The following PPP2R2B variants were observed in gnomAD, a reference collection of about 807,000 sequenced individuals.
The protein encoded by PPP2R2B is protein phosphatase 2 regulatory subunit Bbeta, also known as serine/threonine-protein phosphatase 2A 55 kDa regulatory subunit B beta isoform.
Under a neutral mutation model 46.0 loss-of-function variants are expected in PPP2R2B, and 5 were observed. The observed-to-expected ratio is 0.11, with a 90% CI of 0.06 to 0.23. The LOEUF is 0.23. Ranked by LOEUF, PPP2R2B falls within the 10% of genes least tolerant of loss-of-function variation. The pLI, the probability that PPP2R2B is intolerant of heterozygous loss-of-function variation, is 1.00. For synonymous variants in PPP2R2B, 215 were observed against 206.7 expected (o/e 1.04, Z -0.34); for missense variants, 367 against 575.0 (o/e 0.64, Z 3.70).
At chr5:146,946,354 A>C (rs532976853) in intron 1 of PPP2R2B, among the ~76,000 whole-genome samples, 18 of 152,180 alleles carry the variant, frequency 1.2e-4, no homozygotes, top group African/African-American at 4.1e-4. Context: ...GCAAGAGCTC[A>C]CATGCCAAGT....
intron 1 of PPP2R2B, among the ~76,000 whole-genome samples, chr5:146,947,072 G>T (rs1764507498): frequency 6.6e-6 from 1 of 152,088 alleles, no homozygotes; most frequent in Non-Finnish European, 1.5e-5. Context: ...TCTACACAAG[G>T]TCAGTAATCA....
chr5:146,775,594 T>C (rs751261016), intron 2 of PPP2R2B, among the ~76,000 whole-genome samples: 3 of 152,142 alleles, frequency 2.0e-5, no homozygotes, highest in Non-Finnish European at 4.4e-5. Context: ...TTATCACTTA[T>C]ATTCAACATA....
intron 5 of PPP2R2B, among the ~76,000 whole-genome samples, chr5:146,681,844 ATCAGGCTTTATGG>A (rs1289612715): frequency 6.6e-6 from 1 of 152,220 alleles, no homozygotes; most frequent in Non-Finnish European, 1.5e-5. Context: ...CTGTAACACT[ATCAGGCTTTATGG>A]CCAGGGAATC....
chr5:146,726,493 C>T (rs1751877865), intron 2 of PPP2R2B, among the ~76,000 whole-genome samples: 1 of 152,174 alleles, frequency 6.6e-6, no homozygotes, highest in South Asian at 2.1e-4. Flanking sequence ...TTGAACAACC[C>T]ATTAGGCACA....
chr5:146,805,148 A>G (rs1387321039), intron 2 of PPP2R2B, among the ~76,000 whole-genome samples: 1 of 152,224 alleles, frequency 6.6e-6, no homozygotes, highest in Non-Finnish European at 1.5e-5. Flanking sequence ...AATAGAATGC[A>G]GGTCAAACTG....
chr5:146,706,548 A>G, intron 2 of PPP2R2B: 1 of 1,057,060 alleles, frequency 9.5e-7, no homozygotes, highest in Admixed American at 1.7e-5. Flanking sequence ...GGTCTGCTGA[A>G]GGGCGGCCTC....
intron 7 of PPP2R2B, among the ~76,000 whole-genome samples, chr5:146,605,795 T>C (rs1772205197): frequency 6.6e-6 from 1 of 152,268 alleles, no homozygotes; most frequent in South Asian, 2.1e-4. Flanking sequence ...GCTCAGTGTT[T>C]TTCTAGTACA....
chr5:146,801,656 A>G (rs1017117730), intron 2 of PPP2R2B, among the ~76,000 whole-genome samples: 4 of 152,162 alleles, frequency 2.6e-5, no homozygotes, highest in African/African-American at 9.7e-5. Flanking sequence ...TTAGGCACTT[A>G]TGTTAAAAGA....
chr5:146,684,813 G>A (rs746558713), intron 5 of PPP2R2B, among the ~76,000 whole-genome samples: 1 of 152,142 alleles, frequency 6.6e-6, no homozygotes, highest in Non-Finnish European at 1.5e-5. Context: ...AATCACCTGG[G>A]CATTTTCTGG....
intron 3 of PPP2R2B, among the ~76,000 whole-genome samples, chr5:146,700,643 T>C (rs568104443): frequency 1.1e-4 from 16 of 152,176 alleles, no homozygotes; most frequent in Non-Finnish European, 2.4e-4. Context: ...CCTCTTCACA[T>C]CTGTTGGCAA....
chr5:146,771,828 G>A (rs575293033), intron 2 of PPP2R2B, among the ~76,000 whole-genome samples: 5 of 152,240 alleles, frequency 3.3e-5, no homozygotes, highest in African/African-American at 1.2e-4. Flanking sequence ...ATGTGGGTGG[G>A]GATGAGATAC....
At chr5:147,004,151 A>T (rs1447904236) in intron 1 of PPP2R2B, among the ~76,000 whole-genome samples, 1 of 152,176 alleles carries the variant, frequency 6.6e-6, no homozygotes, top group Admixed American at 6.5e-5. Flanking sequence ...AGAGCAGGCC[A>T]ATCACCCAGT....
intron 1 of PPP2R2B, among the ~76,000 whole-genome samples, chr5:147,021,674 C>A (rs929776861): frequency 6.6e-6 from 1 of 152,046 alleles, no homozygotes; most frequent in African/African-American, 2.4e-5. Flanking sequence ...TGCAAACAGG[C>A]CTTAAAAGGA....
intron 7 of PPP2R2B, among the ~76,000 whole-genome samples, chr5:146,615,699 G>C (rs973735628): frequency 6.6e-6 from 1 of 151,672 alleles, no homozygotes; most frequent in South Asian, 2.1e-4. Flanking sequence ...GAAGTAAAAG[G>C]TCTCTACAAT....
At chr5:146,796,346 C>T (rs906123823) in intron 2 of PPP2R2B, among the ~76,000 whole-genome samples, 1 of 152,104 alleles carries the variant, frequency 6.6e-6, no homozygotes, top group African/African-American at 2.4e-5. Context: ...TAAAACCACC[C>T]ACCTGGCCTA....
At chr5:146,885,828 G>C (rs999136314) in intron 1 of PPP2R2B, among the ~76,000 whole-genome samples, 1 of 152,176 alleles carries the variant, frequency 6.6e-6, no homozygotes, top group Admixed American at 6.5e-5. Flanking sequence ...CCACAACATA[G>C]ATGAAACTTG....
intron 1 of PPP2R2B, among the ~76,000 whole-genome samples, chr5:146,955,061 T>A (rs1053572234): frequency 6.6e-6 from 1 of 152,102 alleles, no homozygotes; most frequent in African/African-American, 2.4e-5. Context: ...ATAGACTCAG[T>A]CAGGTTGAAT....
chr5:146,940,501 T>G (rs1366306877), intron 1 of PPP2R2B, among the ~76,000 whole-genome samples: 1 of 144,186 alleles, frequency 6.9e-6, no homozygotes, highest in South Asian at 2.3e-4. Context: ...TGGAAGAACA[T>G]TTGCTAGGGG....
chr5:146,670,436 T>C (rs1004323482), intron 5 of PPP2R2B, among the ~76,000 whole-genome samples: 9 of 150,320 alleles, frequency 6.0e-5, no homozygotes, highest in African/African-American at 2.2e-4. Context: ...TCAGTCCTTT[T>C]AGTACCCCTT....
Sources: gnomAD v4.1 joint callset for allele counts (sites outside exome capture counted in the v4.1 genomes callset) on GRCh38, gnomAD v4.1.1 for gene constraint, MANE v1.5 for transcripts, NCBI Gene and HGNC (gene_info 2026-07-23, HGNC 2026-07-21) for gene names.